The following BCAS3 variants were observed in gnomAD, a reference collection of about 807,000 sequenced individuals.
BCAS3 encodes the protein BCAS3 microtubule associated cell migration factor.
A neutral mutation model predicts 116.1 loss-of-function variants in BCAS3; 53 were observed. The ratio of observed to expected loss-of-function variants is 0.46; its 90% CI spans 0.37 to 0.57. The LOEUF (loss-of-function observed/expected upper bound fraction) is 0.57. Among genes scored for constraint, BCAS3 ranks in the 20% least tolerant of loss-of-function variants. BCAS3 has a pLI of 0.00. For synonymous variants in BCAS3, 391 were observed against 408.2 expected (o/e 0.96, Z 0.51); for missense variants, 917 against 1,165.4 (o/e 0.79, Z 3.10).
intron 22 of BCAS3, among the ~76,000 whole-genome samples, chr17:61,283,509 A>C (rs912344679): frequency 6.7e-6 from 1 of 150,186 alleles, no homozygotes; most frequent in Non-Finnish European, 1.5e-5. Context: ...GCTAGAGTGC[A>C]GTGGTGCCAT....
chr17:61,064,935 T>C (rs2070457230), intron 19 of BCAS3, among the ~76,000 whole-genome samples: 1 of 152,182 alleles, frequency 6.6e-6, no homozygotes, highest in Admixed American at 6.5e-5. Context: ...GCCAGTGATA[T>C]TCTGTGGAAT....
rs114976053 is a variant in BCAS3, at chr17:61,143,231, T to G, written c.2425+58667T>G. Among the ~76,000 whole-genome samples, 541 of 152,350 alleles carry G rather than the reference T, an allele frequency of 3.6e-3. 4 individuals are homozygous for G. The highest frequency in any genetic ancestry group is 0.012 in the African/African-American group (513 of 41,582). On this transcript the variant is annotated intron_variant, in intron 22 of 23. Coordinates refer to ENST00000407086, the MANE Select transcript of BCAS3 (RefSeq NM_017679.5). Reference sequence around the variant, plus strand: ...ACTTAGTAATTGGAGTCAGCTGCACTTAAGACTGTTCAGCCAGACTGTTAT... The same window carrying G: ...ACTTAGTAATTGGAGTCAGCTGCACGTAAGACTGTTCAGCCAGACTGTTAT...
At chr17:60,740,984 C>T (rs967353874) in intron 5 of BCAS3, among the ~76,000 whole-genome samples, 2 of 152,054 alleles carry the variant, frequency 1.3e-5, no homozygotes, top group African/African-American at 4.8e-5. Flanking sequence ...GTCTGGGTTC[C>T]CCTGGAATTT....
At chr17:60,778,368 T>C (rs2045501493) in intron 6 of BCAS3, among the ~76,000 whole-genome samples, 1 of 152,194 alleles carries the variant, frequency 6.6e-6, no homozygotes, top group Admixed American at 6.5e-5. Flanking sequence ...ATTATTAAAA[T>C]AGGTTCTATT....
At chr17:61,345,927 A>G (rs1343559764) in intron 22 of BCAS3, among the ~76,000 whole-genome samples, 1 of 152,220 alleles carries the variant, frequency 6.6e-6, no homozygotes, top group Admixed American at 6.5e-5. Context: ...TAAGCTTAAA[A>G]TCCTAGAAGG....
At chr17:61,078,011 T>C (rs182507039) in intron 20 of BCAS3, among the ~76,000 whole-genome samples, 140 of 152,326 alleles carry the variant, frequency 9.2e-4, no homozygotes, top group African/African-American at 3.2e-3. Context: ...ACACTAGTTA[T>C]ATGAGGCAAG....
At chr17:61,216,276 A>T (rs2081779390) in intron 22 of BCAS3, among the ~76,000 whole-genome samples, 1 of 152,110 alleles carries the variant, frequency 6.6e-6, no homozygotes, top group Non-Finnish European at 1.5e-5. Flanking sequence ...AGTGGTGTTG[A>T]TGTGCGTTTG....
intron 14 of BCAS3, among the ~76,000 whole-genome samples, chr17:60,980,145 A>G (rs2062705043): frequency 6.6e-6 from 1 of 152,058 alleles, no homozygotes; most frequent in East Asian, 1.9e-4. Flanking sequence ...TTTGGTTGGT[A>G]AGCTATTGAT....
intron 19 of BCAS3, chr17:61,069,875 C>T (rs200708724): frequency 6.2e-4 from 640 of 1,028,680 alleles, no homozygotes; most frequent in Non-Finnish European, 8.0e-4. Flanking sequence ...CACAAGATGG[C>T]GCCGAAAGCG....
In BCAS3 at chr17:61,365,959, A is replaced by G. The variant is rs547556033; in HGVS notation, c.2426-2368A>G. ...GAAGTTCAAGACCAGCCTGGCCTAC[A>G]TGGTGAAACCCCGTCTCTACTAAAA... On this transcript the variant is annotated intron_variant, in intron 22 of 23. Coordinates refer to ENST00000407086, the MANE Select transcript of BCAS3 (RefSeq NM_017679.5). The surrounding 1 kb of genome is among the most constrained non-coding windows in gnomAD (Gnocchi z 4.6). Among the ~76,000 whole-genome samples the G allele has an allele frequency of 7.9e-5, 12 of 152,044 alleles. No homozygotes were observed. The highest frequency in any genetic ancestry group is 1.5e-4 in the Non-Finnish European group (10 of 67,996).
rs920182222 is a variant in BCAS3 at position 61,145,473 on chromosome 17, TGAG to T, written c.2425+60913_2425+60915del. ...GGGGAGGACCATTGGGAGAATGTTCTGAGGAGAAGAGAGGCTCTCTTCACACTC... is the reference window on the plus strand; with the variant it reads ...GGGGAGGACCATTGGGAGAATGTTCTGAGAAGAGAGGCTCTCTTCACACTC... On this transcript the variant is annotated intron_variant, in intron 22 of 23. Coordinates refer to ENST00000407086, the MANE Select transcript of BCAS3 (RefSeq NM_017679.5). This position sits in a 1 kb window ranked among gnomAD's most constrained non-coding sequence, Gnocchi z 5.0. Among the ~76,000 whole-genome samples, 36 of 152,130 alleles carry T rather than the reference TGAG, an allele frequency of 2.4e-4. No homozygotes were observed. Among genetic ancestry groups the T allele is most frequent in the Admixed American group, 6.5e-5 (1 of 15,280 alleles).
At position 61,051,913 on chromosome 17, in the gene BCAS3, A is replaced by G. The variant is rs751659786; in HGVS notation, c.2029+11021A>G. On this transcript the variant is annotated intron_variant, in intron 19 of 23. Coordinates refer to ENST00000407086, the MANE Select transcript of BCAS3 (RefSeq NM_017679.5). This position sits in a 1 kb window ranked among gnomAD's most constrained non-coding sequence, Gnocchi z 4.1. ...CTCAGCTTCCACATTGAGAAACTAGACAAAGTAGAGGAAATTAATGCAAAA... is the reference window on the plus strand; with the variant it reads ...CTCAGCTTCCACATTGAGAAACTAGGCAAAGTAGAGGAAATTAATGCAAAA... Among the ~76,000 whole-genome samples the G allele has an allele frequency of 4.1e-4, 63 of 152,322 alleles. No homozygotes were observed. Among genetic ancestry groups the G allele is most frequent in the Middle Eastern group, 3.4e-3 (1 of 294 alleles).
intron 6 of BCAS3, among the ~76,000 whole-genome samples, chr17:60,799,524 G>GTTTTTTTT (rs869112996): frequency 3.0e-4 from 31 of 102,374 alleles, no homozygotes; most frequent in African/African-American, 4.1e-4. Flanking sequence ...ATTAGTGTTT[G>GTTTTTTTT]TTTTTTTTTT....
At chr17:61,040,226 T>A (rs1245076772) in intron 18 of BCAS3, among the ~76,000 whole-genome samples, 38 of 152,240 alleles carry the variant, frequency 2.5e-4, no homozygotes, top group Admixed American at 2.5e-3. Flanking sequence ...ACTACTTTAC[T>A]ATGCTGGATT....
intron 22 of BCAS3, among the ~76,000 whole-genome samples, chr17:61,221,726 A>G (rs933972560): frequency 6.6e-6 from 1 of 152,176 alleles, no homozygotes; most frequent in African/African-American, 2.4e-5. Context: ...GTGCTCTGCA[A>G]GGCACCAAAA....
intron 4 of BCAS3, among the ~76,000 whole-genome samples, chr17:60,702,386 T>C (rs1037306909): frequency 4.6e-5 from 7 of 152,224 alleles, no homozygotes; most frequent in Admixed American, 1.3e-4. Context: ...TGTAAAACTA[T>C]AAACCTTGAA....
intron 22 of BCAS3, among the ~76,000 whole-genome samples, chr17:61,270,223 G>A (rs1266747279): frequency 2.0e-5 from 3 of 149,244 alleles, no homozygotes; most frequent in South Asian, 2.1e-4. Flanking sequence ...AGGTTCAAGC[G>A]ATTCTCCTGC....
At position 60,808,057 on chromosome 17, in the gene BCAS3, A is replaced by G; in HGVS notation, c.457A>G (p.Lys153Glu). The change falls in exon 7 of 24, where the codon AAG becomes GAG. Residue 153 changes from lysine to glutamate, a missense_variant. By Grantham distance (56) the Lys-to-Glu change is moderately conservative. Coordinates refer to ENST00000407086, the MANE Select transcript of BCAS3 (RefSeq NM_017679.5). ...AAAAAGACCCCTCCTTGGTGTTTGT[A>G]AGAGCATTGGATCTTCTGGGTAAGG... ...AEKRPLLGVCKSIGSSGTSPP... is the reference protein window; with the variant it reads ...AEKRPLLGVCESIGSSGTSPP... 3 of 1,606,876 alleles carry G rather than the reference A, an allele frequency of 1.9e-6. No individual in the cohort carries two copies. Among genetic ancestry groups the G allele is most frequent in the Non-Finnish European group, 2.6e-6 (3 of 1,175,702 alleles).
At chr17:61,043,227 G>A (rs553496160) in intron 19 of BCAS3, among the ~76,000 whole-genome samples, 28 of 152,000 alleles carry the variant, frequency 1.8e-4, no homozygotes, top group African/African-American at 6.0e-4. Flanking sequence ...AATCACCCAG[G>A]TGTGGTGGCG....
Sources: allele counts gnomAD v4.1 joint callset (sites outside exome capture counted in the v4.1 genomes callset), GRCh38; gene constraint gnomAD v4.1.1; non-coding constraint Gnocchi (gnomAD v3.1); transcripts MANE v1.5; gene names NCBI Gene and HGNC (gene_info 2026-07-23, HGNC 2026-07-21).